TAB2: variants seen among roughly 807,000 people sequenced by gnomAD.
The protein encoded by TAB2 is TGF-beta-activated kinase 1 and MAP3K7-binding protein 2.
A neutral mutation model predicts 65.0 loss-of-function variants in TAB2; 3 were observed. That is an observed-to-expected ratio of 0.05 (90% confidence interval 0.02 to 0.12). TAB2 has a LOEUF of 0.12. TAB2 is among the 10% of genes least tolerant of loss of function. The pLI is 1.00. For missense variants in TAB2, 623 were observed against 840.3 expected (o/e 0.74, Z 3.20); for synonymous variants, 298 against 285.1 (o/e 1.05, Z -0.46).
At chr6:149,365,731 A>T (rs966372273) in intron 1 of TAB2, among the ~76,000 whole-genome samples, 1 of 151,692 alleles carries the variant, frequency 6.6e-6, no homozygotes, top group Non-Finnish European at 1.5e-5. Context: ...TTTCCTTCTG[A>T]ATCTCCAATT....
chr6:149,241,313 A>T lies in TAB2; in HGVS notation c.-121+22537A>T, dbSNP rs9498265. 5.5e-3 allele frequency among the ~76,000 whole-genome samples: 838 copies of T among 152,328 alleles called. 8 individuals carry two copies. The highest frequency in any genetic ancestry group is 0.02 in the African/African-American group (813 of 41,582). ...TTACACTTGATGATATATGTAGGCA[A>T]ACCACTTCTCCATTTTTTTGTTGTT... is the stretch of plus-strand genomic sequence containing the variant. On this transcript the variant is annotated intron_variant, in intron 1 of 1. Coordinates refer to the TAB2 transcript ENST00000606202.
intron 1 of TAB2, among the ~76,000 whole-genome samples, chr6:149,248,766 G>GC (rs549854485): frequency 1.3e-5 from 2 of 152,126 alleles, no homozygotes; most frequent in Admixed American, 6.6e-5. Flanking sequence ...ACCTTGACCA[G>GC]CCCCCCAGTG....
rs371956282 is a variant in TAB2 at position 149,379,169 on chromosome 6, C to T, written c.1254C>T (p.Ala418=). 1.5e-5 allele frequency: 25 copies of T among 1,614,126 alleles called. No homozygotes were observed. Among genetic ancestry groups the T allele is most frequent in the East Asian group, 2.2e-5 (1 of 44,904 alleles). Residue 418 remains alanine (A), a synonymous_variant, in exon 3 of 7, where the codon GCC becomes GCT. Coordinates refer to ENST00000637181, the MANE Select transcript of TAB2 (RefSeq NM_001292034.3). The stretch of plus-strand genomic sequence containing the variant: ...CCACAAACTCTGGAGCATCTGCTGC[C>T]TCCAGGAACATGTCTGGGCAAGTGA... The part of the protein sequence containing the change: ...FISTNSGASA[A]SRNMSGQVSM...
intron 1 of TAB2, among the ~76,000 whole-genome samples, chr6:149,338,672 T>G (rs1469714343): frequency 6.6e-6 from 1 of 152,174 alleles, no homozygotes; most frequent in Non-Finnish European, 1.5e-5. Flanking sequence ...TAGAAGGAGC[T>G]TAACAGCAAC....
chr6:149,254,584 G>A (rs768274230), intron 1 of TAB2, among the ~76,000 whole-genome samples: 1 of 152,146 alleles, frequency 6.6e-6, no homozygotes, highest in African/African-American at 2.4e-5. Context: ...TCCCTCACAG[G>A]GAGCTTCACA....
intron 1 of TAB2, among the ~76,000 whole-genome samples, chr6:149,254,150 A>AAAAGG (rs745379458): frequency 3.8e-4 from 55 of 145,796 alleles, no homozygotes; most frequent in African/African-American, 1.1e-3. Context: ...GAAAGGAAAG[A>AAAAGG]AAAGGAAAGG....
At chr6:149,312,627 T>C (rs1779184666) in intron 1 of TAB2, among the ~76,000 whole-genome samples, 1 of 152,224 alleles carries the variant, frequency 6.6e-6, no homozygotes, top group Non-Finnish European at 1.5e-5. Flanking sequence ...CCTCCCAAAA[T>C]GCTGGAATTA....
intron 1 of TAB2, among the ~76,000 whole-genome samples, chr6:149,265,274 A>G (rs935749575): frequency 6.6e-6 from 1 of 152,088 alleles, no homozygotes; most frequent in Non-Finnish European, 1.5e-5. Flanking sequence ...CTACAAAGCA[A>G]ATCCAGCTTT....
At position 149,258,655 on chromosome 6, in the gene TAB2, G is replaced by C. The variant is rs564790138; in HGVS notation, c.-121+39879G>C. Among the ~76,000 whole-genome samples the C allele has an allele frequency of 2.0e-5, 3 of 152,276 alleles. No individual in the cohort carries two copies. In the South Asian group the frequency reaches 6.2e-4, roughly 32 times the overall value. On this transcript the variant is annotated intron_variant, in intron 1 of 1. Coordinates refer to the TAB2 transcript ENST00000606202. ...TTGCATTGAGAAAATGTTAATCACT[G>C]TTAACCTATCTCTTTTCAGTCTGAT...
chr6:149,364,537 T>C (rs1020568171), intron 1 of TAB2, among the ~76,000 whole-genome samples: 1 of 151,900 alleles, frequency 6.6e-6, no homozygotes, highest in Non-Finnish European at 1.5e-5. Context: ...TATAAACGTG[T>C]ATTTATGTGC....
intron 1 of TAB2, among the ~76,000 whole-genome samples, chr6:149,264,173 C>T (rs1007747642): frequency 1.3e-5 from 2 of 152,272 alleles, no homozygotes; most frequent in African/African-American, 4.8e-5. Flanking sequence ...GCCTCCTTGG[C>T]AAGTACTAGG....
chr6:149,266,058 A>G (rs9377204), intron 1 of TAB2, among the ~76,000 whole-genome samples: 41,915 of 152,182 alleles, frequency 0.28, 6,963 homozygotes, highest in Non-Finnish European at 0.37. Context: ...TATGCCCTCA[A>G]ATTAAGTGAT....
chr6:149,382,222 G>A (rs1277863180), intron 3 of TAB2, among the ~76,000 whole-genome samples: 1 of 152,060 alleles, frequency 6.6e-6, no homozygotes, highest in African/African-American at 2.4e-5. Context: ...CCTTTTATTT[G>A]CACTAGTATT....
At chr6:149,330,895 A>G (rs1583095255) in intron 1 of TAB2, among the ~76,000 whole-genome samples, 1 of 152,104 alleles carries the variant, frequency 6.6e-6, no homozygotes, top group East Asian at 1.9e-4. Context: ...CCTTTATTGA[A>G]TTGCTTTTGT....
At chr6:149,398,279 A>G (rs1297758666) in intron 5 of TAB2, among the ~76,000 whole-genome samples, 1 of 152,256 alleles carries the variant, frequency 6.6e-6, no homozygotes, top group African/African-American at 2.4e-5. Context: ...AATAAGGTTT[A>G]TACATTCTTT....
intron 1 of TAB2, among the ~76,000 whole-genome samples, chr6:149,358,072 A>G (rs1046558810): frequency 6.6e-6 from 1 of 152,188 alleles, no homozygotes; most frequent in Non-Finnish European, 1.5e-5. Flanking sequence ...GCTGAGTCAT[A>G]GGGTCTGCAA....
At chr6:149,338,573 A>T (rs938363839) in intron 1 of TAB2, among the ~76,000 whole-genome samples, 7 of 152,230 alleles carry the variant, frequency 4.6e-5, no homozygotes, top group Non-Finnish European at 1.0e-4. Context: ...GTTTAAACAT[A>T]AGTACAATTA....
Position 149,409,865 on chromosome 6 carries a change from C to T in TAB2, c.*146C>T. The T allele has an allele frequency of 1.1e-6, 1 of 893,980 alleles. No homozygotes were observed. Among genetic ancestry groups the T allele is most frequent in the Middle Eastern group, 2.6e-4 (1 of 3,858 alleles). The allele number at this position is 893,980 out of a possible 1,614,324, so 55.4% of individuals were successfully genotyped here. On this transcript the variant is annotated 3_prime_UTR_variant, in exon 7 of 7. Coordinates refer to ENST00000637181, the MANE Select transcript of TAB2 (RefSeq NM_001292034.3). Reference sequence around the variant, plus strand: ...GTTCTGCTAATGTTAAATGTCAGCCCACAGAGCTAATAATACCTCAGTATA... The same window carrying T: ...GTTCTGCTAATGTTAAATGTCAGCCTACAGAGCTAATAATACCTCAGTATA...
chr6:149,250,767 A>ATCCTT (rs749363206), intron 1 of TAB2, among the ~76,000 whole-genome samples: 14 of 152,204 alleles, frequency 9.2e-5, no homozygotes, highest in East Asian at 3.9e-4. Flanking sequence ...TGATGAGGCT[A>ATCCTT]TCCTTTCCTT....
Sources: gnomAD v4.1 joint callset for allele counts (sites outside exome capture counted in the v4.1 genomes callset) on GRCh38, gnomAD v4.1.1 for gene constraint, MANE v1.5 for transcripts, NCBI Gene and HGNC (gene_info 2026-07-23, HGNC 2026-07-21) for gene names.